Variants in EBF2 observed in about 807,000 individuals in gnomAD.
The protein encoded by EBF2 is EBF transcription factor 2.
In EBF2, 21 loss-of-function variants were observed where a neutral mutation model predicts 72.8. The ratio of observed to expected loss-of-function variants is 0.29; its 90% CI spans 0.20 to 0.42. The LOEUF is 0.42. EBF2 is among the 10% of genes least tolerant of loss of function. EBF2 has a pLI of 1.00. For missense variants in EBF2, 637 were observed against 731.2 expected (o/e 0.87, Z 1.49); for synonymous variants, 299 against 274.2 (o/e 1.09, Z -0.89).
At chr8:25,846,644 GCAC>G (rs1298773644) in intron 15 of EBF2, among the ~76,000 whole-genome samples, 4 of 152,124 alleles carry the variant, frequency 2.6e-5, no homozygotes. Context: ...AGCCATGATT[GCAC>G]CACTATACTA....
At chr8:25,997,226 A>G (rs993529754) in intron 6 of EBF2, among the ~76,000 whole-genome samples, 2 of 152,098 alleles carry the variant, frequency 1.3e-5, no homozygotes, top group Non-Finnish European at 2.9e-5. Flanking sequence ...GGTAAGCCCC[A>G]AAGACACATT....
intron 6 of EBF2, among the ~76,000 whole-genome samples, chr8:25,969,786 C>G (rs1047024558): frequency 2.0e-5 from 3 of 152,148 alleles, no homozygotes; most frequent in Non-Finnish European, 2.9e-5. Flanking sequence ...CTCACTGCAG[C>G]TTTGAACTCC....
rs561526188 is a variant in EBF2 at position 25,983,350 on chromosome 8, A to C, written c.551+49735T>G. 2.6e-5 allele frequency among the ~76,000 whole-genome samples: 4 copies of C among 152,360 alleles called. No individual in the cohort carries two copies. In the East Asian group the frequency reaches 7.7e-4, roughly 29 times the overall value. Reference sequence around the variant, plus strand: ...CTGTGAAAAAGACGGAAGGGGACACACAAAAGCGAAAGTAATGATGCAAAA... The same window carrying C: ...CTGTGAAAAAGACGGAAGGGGACACCCAAAAGCGAAAGTAATGATGCAAAA... On this transcript the variant is annotated intron_variant, in intron 6 of 15. Coordinates refer to ENST00000520164, the MANE Select transcript of EBF2 (RefSeq NM_022659.4).
intron 6 of EBF2, among the ~76,000 whole-genome samples, chr8:25,936,833 A>G (rs973693494): frequency 2.6e-5 from 4 of 152,234 alleles, no homozygotes; most frequent in African/African-American, 9.6e-5. Flanking sequence ...CTGGAGGCTT[A>G]CTAAAAGTAT....
At chr8:26,042,033 C>A in intron 2 of EBF2, 62 bp downstream of exon 2, 1 of 1,581,890 alleles carries the variant, frequency 6.3e-7, no homozygotes, top group Admixed American at 1.7e-5. Context: ...CAGATGGAAT[C>A]TTTAGTGCTT....
At position 26,005,559 on chromosome 8, in the gene EBF2, T is replaced by TAGAGAGAGAGAGAG. The variant is rs1362114716; in HGVS notation, c.551+27525_551+27526insCTCTCTCTCTCTCT. 3.4e-3 allele frequency among the ~76,000 whole-genome samples: 189 copies of TAGAGAGAGAGAGAG among 55,552 alleles called. 5 individuals are homozygous for TAGAGAGAGAGAGAG. The highest frequency in any genetic ancestry group is 0.012 in the African/African-American group (135 of 11,078). The allele number at this position is 55,552 out of a possible 152,430, so 36.4% of individuals were successfully genotyped here. A position where few individuals can be genotyped will look rare whatever the true frequency, so the allele number is the denominator to read the frequency against. On this transcript the variant is annotated intron_variant, in intron 6 of 15. Transcript: ENST00000520164. ...TATATATTTTATATATATATATATATATAGAGAGAGAGAGAGAGAGGTATT... is the reference window on the plus strand; with the variant it reads ...TATATATTTTATATATATATATATATAGAGAGAGAGAGAGATAGAGAGAGAGAGAGAGAGGTATT...
At chr8:25,918,452 A>T (rs1390770629) in intron 6 of EBF2, among the ~76,000 whole-genome samples, 1 of 152,234 alleles carries the variant, frequency 6.6e-6, no homozygotes, top group East Asian at 1.9e-4. Flanking sequence ...ATTACAGACT[A>T]GCCTCTCCAT....
chr8:25,855,249 C>T (rs7833436), intron 14 of EBF2, among the ~76,000 whole-genome samples: 1 of 151,926 alleles, frequency 6.6e-6, no homozygotes, highest in African/African-American at 2.4e-5. Context: ...TTGCATCAAG[C>T]CAGTGCATTT....
chr8:25,973,920 C>A (rs1209729442), intron 6 of EBF2, among the ~76,000 whole-genome samples: 1 of 152,114 alleles, frequency 6.6e-6, no homozygotes, highest in Admixed American at 6.5e-5. Flanking sequence ...GCAAGCAATT[C>A]ACCCACCTCA....
chr8:25,871,048 C>A (rs1450942539), intron 10 of EBF2, among the ~76,000 whole-genome samples: 2 of 152,146 alleles, frequency 1.3e-5, no homozygotes, highest in African/African-American at 2.4e-5. Flanking sequence ...TAAGAGGGAC[C>A]TCAGCCTTTA....
At chr8:25,998,927 C>A (rs1024399173) in intron 6 of EBF2, among the ~76,000 whole-genome samples, 1 of 152,094 alleles carries the variant, frequency 6.6e-6, no homozygotes, top group South Asian at 2.1e-4. Context: ...AAACAAATTT[C>A]GGGTCCCACT....
chr8:25,880,749 A>AC lies in EBF2; in HGVS notation c.1009+6005_1009+6006insG, dbSNP rs1585273448. 3.9e-5 allele frequency among the ~76,000 whole-genome samples: 6 copies of AC among 152,304 alleles called. No homozygotes were observed. In the East Asian group the frequency reaches 1.2e-3, roughly 29 times the overall value. ...AGGTGAACTTTTGTAAAGTTTTCCC[A>AC]AACATTTTGTTGCTATTTTGATTGG... On this transcript the variant is annotated intron_variant, in intron 10 of 15. Coordinates refer to ENST00000520164, the MANE Select transcript of EBF2 (RefSeq NM_022659.4).
intron 2 of EBF2, chr8:26,041,205 C>G (rs2117266914): frequency 1.6e-6 from 1 of 619,918 alleles, no homozygotes; most frequent in East Asian, 2.8e-5. Flanking sequence ...CTCGTAGCCA[C>G]TTGACCCTTT....
intron 13 of EBF2, 142 bp from the exon 14 acceptor site, chr8:25,858,646 T>C: frequency 2.1e-6 from 1 of 484,336 alleles, no homozygotes; most frequent in Non-Finnish European, 3.5e-6. Context: ...GCAGTCCATC[T>C]TTAGCTTTTT....
intron 10 of EBF2, among the ~76,000 whole-genome samples, chr8:25,865,016 T>C (rs1396932326): frequency 6.6e-6 from 1 of 152,096 alleles, no homozygotes. Flanking sequence ...TTGATCAGGT[T>C]GGTCCCGAAC....
intron 5 of EBF2, among the ~76,000 whole-genome samples, chr8:26,033,711 C>G (rs184132001): frequency 1.7e-4 from 26 of 151,540 alleles, no homozygotes; most frequent in African/African-American, 5.6e-4. Flanking sequence ...ACCTGTGTAA[C>G]AAACCTATAC....
intron 6 of EBF2, among the ~76,000 whole-genome samples, chr8:26,019,353 A>G (rs910619770): frequency 3.3e-4 from 50 of 152,154 alleles, no homozygotes; most frequent in African/African-American, 1.2e-3. Context: ...TGAAGCCTCA[A>G]TGTTAGTTTT....
At chr8:25,907,274 G>A (rs1409757968) in intron 7 of EBF2, among the ~76,000 whole-genome samples, 1 of 151,370 alleles carries the variant, frequency 6.6e-6, no homozygotes, top group Non-Finnish European at 1.5e-5. Flanking sequence ...ACAAAAATTA[G>A]CAGGGCATGA....
chr8:26,040,276 CAT>C (rs1250464154), intron 4 of EBF2, among the ~76,000 whole-genome samples, 175 bp from the exon 5 acceptor site: 2 of 152,146 alleles, frequency 1.3e-5, no homozygotes, highest in Non-Finnish European at 2.9e-5. Context: ...CGACTGAAAT[CAT>C]AGAGAAGTTT....
Sources: gnomAD v4.1 joint callset for allele counts (sites outside exome capture counted in the v4.1 genomes callset) on GRCh38, gnomAD v4.1.1 for gene constraint, MANE v1.5 for transcripts, NCBI Gene and HGNC (gene_info 2026-07-23, HGNC 2026-07-21) for gene names.